ROBO2: variants seen among roughly 807,000 people sequenced by gnomAD.
ROBO2 encodes roundabout homolog 2.
ROBO2 carries 53 observed loss-of-function variants against 160.8 expected under a neutral mutation model. That is an observed-to-expected ratio of 0.33 (90% CI 0.26 to 0.41). The LOEUF is 0.41. ROBO2 is among the 10% of genes least tolerant of loss of function. The pLI is 1.00. For synonymous variants in ROBO2, 664 were observed against 611.7 expected (o/e 1.09, Z -1.26); for missense variants, 1,577 against 1,722.4 (o/e 0.92, Z 1.49).
At chr3:77,542,614 T>G (rs1364178302) in intron 6 of ROBO2, among the ~76,000 whole-genome samples, 1 of 152,204 alleles carries the variant, frequency 6.6e-6, no homozygotes, top group Non-Finnish European at 1.5e-5. Flanking sequence ...TGGGTAAAAG[T>G]TCCAGAAATT....
intron 2 of ROBO2, among the ~76,000 whole-genome samples, chr3:76,730,228 C>T (rs9819795): frequency 0.47 from 16,238 of 34,458 alleles, 4,193 homozygotes; most frequent in African/African-American, 0.57. Flanking sequence ...CCCTACCCAC[C>T]TCTCCTCACC....
intron 2 of ROBO2, among the ~76,000 whole-genome samples, chr3:77,162,591 GC>G: frequency 6.6e-6 from 1 of 152,258 alleles, no homozygotes; most frequent in Middle Eastern, 3.4e-3. Context: ...GTACACACCT[GC>G]CTCTGTGTCA....
intron 2 of ROBO2, among the ~76,000 whole-genome samples, chr3:77,284,372 C>G (rs2060444481): frequency 6.6e-6 from 1 of 152,160 alleles, no homozygotes; most frequent in African/African-American, 2.4e-5. Flanking sequence ...CCGATGGTGT[C>G]TACCCAGATG....
At chr3:77,168,133 C>T (rs2079272938) in intron 2 of ROBO2, among the ~76,000 whole-genome samples, 2 of 152,196 alleles carry the variant, frequency 1.3e-5, no homozygotes, top group Non-Finnish European at 2.9e-5. Flanking sequence ...GCTGAGGGTG[C>T]CGTGAACTCC....
chr3:76,039,492 GT>G (rs1341873901), intron 2 of ROBO2, among the ~76,000 whole-genome samples: 2 of 151,812 alleles, frequency 1.3e-5, no homozygotes, highest in Admixed American at 1.3e-4. Context: ...GAAAACATCT[GT>G]TTCCTTTTTT....
intron 2 of ROBO2, among the ~76,000 whole-genome samples, chr3:76,280,635 T>G (rs538783082): frequency 6.6e-6 from 1 of 152,172 alleles, no homozygotes; most frequent in East Asian, 1.9e-4. Flanking sequence ...GAGCCTTCTC[T>G]AATCTCTCCT....
intron 2 of ROBO2, among the ~76,000 whole-genome samples, chr3:76,483,228 T>C (rs1161320054): frequency 2.0e-5 from 3 of 152,164 alleles, no homozygotes; most frequent in African/African-American, 7.2e-5. Context: ...CACTATTTTA[T>C]TGTTGTATAG....
intron 2 of ROBO2, among the ~76,000 whole-genome samples, chr3:76,302,223 G>T (rs778132717): frequency 3.3e-5 from 5 of 152,010 alleles, no homozygotes; most frequent in Non-Finnish European, 7.4e-5. Context: ...GATGGTTAAA[G>T]ACATTGCAAA....
intron 1 of ROBO2, among the ~76,000 whole-genome samples, chr3:77,052,944 C>A (rs2065365459): frequency 6.6e-6 from 1 of 152,142 alleles, no homozygotes; most frequent in South Asian, 2.1e-4. Context: ...ATATAAGGGA[C>A]AGTCTGTGAA....
At chr3:76,138,479 C>G (rs543037659) in intron 2 of ROBO2, among the ~76,000 whole-genome samples, 1 of 152,012 alleles carries the variant, frequency 6.6e-6, no homozygotes, top group Non-Finnish European at 1.5e-5. Flanking sequence ...ATGCGTTGTA[C>G]TATAAAAGGG....
chr3:76,384,269 T>C (rs1476941476), intron 2 of ROBO2, among the ~76,000 whole-genome samples: 1 of 152,224 alleles, frequency 6.6e-6, no homozygotes, highest in East Asian at 1.9e-4. Flanking sequence ...TTTAGCTTTT[T>C]AGTATGCTAT....
chr3:76,382,380 A>T (rs1302784895), intron 2 of ROBO2, among the ~76,000 whole-genome samples: 1 of 152,138 alleles, frequency 6.6e-6, no homozygotes, highest in East Asian at 1.9e-4. Flanking sequence ...CAAGGTCAGG[A>T]GATCGAGACC....
chr3:76,401,410 T>C (rs535058013), intron 2 of ROBO2, among the ~76,000 whole-genome samples: 1 of 151,584 alleles, frequency 6.6e-6, no homozygotes, highest in South Asian at 2.1e-4. Flanking sequence ...ATCTAGCACA[T>C]GACTGAAGTT....
intron 2 of ROBO2, among the ~76,000 whole-genome samples, chr3:77,354,814 G>A (rs941896581): frequency 1.3e-5 from 2 of 152,150 alleles, no homozygotes; most frequent in East Asian, 1.9e-4. Flanking sequence ...GGGACAGAAC[G>A]AGTGAAAGGG....
At chr3:77,607,921 T>G in exon 21 of ROBO2, 1 of 1,613,920 alleles carries the variant, frequency 6.2e-7, no homozygotes, top group Non-Finnish European at 8.5e-7. Context: ...GGCACGGAGC[T>G]GGAACACTAT....
chr3:77,106,339 G>A (rs2072794143), intron 2 of ROBO2, among the ~76,000 whole-genome samples: 1 of 152,088 alleles, frequency 6.6e-6, no homozygotes, highest in Admixed American at 6.6e-5. Context: ...CACCGTGCCC[G>A]GCCTCTTACT....
exon 22 of ROBO2, chr3:77,617,607 C>A: frequency 2.5e-6 from 4 of 1,614,122 alleles, no homozygotes; most frequent in Non-Finnish European, 3.4e-6. Flanking sequence ...TGATAGGGTC[C>A]CAACACCTCC....
At chr3:76,409,528 A>G (rs1019544429) in intron 2 of ROBO2, among the ~76,000 whole-genome samples, 2 of 152,076 alleles carry the variant, frequency 1.3e-5, no homozygotes, top group Admixed American at 6.6e-5. Context: ...ACCATTCTCT[A>G]GCTGTCAAAA....
At position 77,525,880 on chromosome 3, in the gene ROBO2, T is replaced by C. The variant is rs2091101931; in HGVS notation, c.934+2978T>C. On this transcript the variant is annotated intron_variant, in intron 6 of 25. Transcript: ENST00000461745. ...TTTAAATTCACTTGAGATGGCAAGCTGAAAAGTAGCAAATTCAAAGATGAA... is the reference window on the plus strand; with the variant it reads ...TTTAAATTCACTTGAGATGGCAAGCCGAAAAGTAGCAAATTCAAAGATGAA... 3.3e-5 allele frequency among the ~76,000 whole-genome samples: 5 copies of C among 151,284 alleles called. No individual in the cohort carries two copies. In the South Asian group the frequency reaches 1.0e-3, roughly 31 times the overall value.
Sources: allele counts gnomAD v4.1 joint callset (sites outside exome capture counted in the v4.1 genomes callset), GRCh38; gene constraint gnomAD v4.1.1; transcripts MANE v1.5; gene names NCBI Gene and HGNC (gene_info 2026-07-23, HGNC 2026-07-21).